Variants in KIAA1217 observed in about 807,000 individuals in gnomAD.
KIAA1217 encodes the protein sickle tail protein homolog.
KIAA1217 carries 88 observed loss-of-function variants against 163.9 expected under a neutral mutation model. The ratio of observed to expected loss-of-function variants is 0.54; its 90% CI spans 0.45 to 0.64. The LOEUF (loss-of-function observed/expected upper bound fraction) is 0.64. Among genes scored for constraint, KIAA1217 ranks in the 30% least tolerant of loss-of-function variants. KIAA1217 has a pLI of 0.00. For synonymous variants in KIAA1217, 903 were observed against 923.1 expected (o/e 0.98, Z 0.39); for missense variants, 2,372 against 2,475.0 (o/e 0.96, Z 0.88).
At chr10:24,530,746 A>C (rs2072993856) in intron 14 of KIAA1217, among the ~76,000 whole-genome samples, 1 of 152,120 alleles carries the variant, frequency 6.6e-6, no homozygotes, top group Non-Finnish European at 1.5e-5. Flanking sequence ...AAAAATTAAA[A>C]AATCCGCTGG....
At chr10:23,699,590 A>G (rs1225412731) in intron 1 of KIAA1217, among the ~76,000 whole-genome samples, 2 of 152,158 alleles carry the variant, frequency 1.3e-5, no homozygotes, top group African/African-American at 4.8e-5. Context: ...AACTATGGGC[A>G]AATTACTGAA....
intron 2 of KIAA1217, among the ~76,000 whole-genome samples, chr10:24,089,888 T>C (rs112409340): frequency 0.12 from 18,576 of 151,696 alleles, 3,062 homozygotes; most frequent in African/African-American, 0.36. Flanking sequence ...TATAGATTCA[T>C]TGCCATCCCT....
intron 1 of KIAA1217, among the ~76,000 whole-genome samples, chr10:23,998,243 T>C (rs1846586672): frequency 6.6e-6 from 1 of 152,148 alleles, no homozygotes; most frequent in Admixed American, 6.5e-5. Flanking sequence ...TTCCTGACTT[T>C]TATGTACTTT....
intron 3 of KIAA1217, among the ~76,000 whole-genome samples, chr10:24,409,526 A>G (rs1201490687): frequency 2.0e-5 from 3 of 152,188 alleles, no homozygotes. Context: ...CATTTTGGTG[A>G]TCGTTTCATA....
chr10:24,355,464 A>G (rs922041639), intron 2 of KIAA1217, among the ~76,000 whole-genome samples: 3 of 152,222 alleles, frequency 2.0e-5, no homozygotes, highest in East Asian at 1.9e-4. Flanking sequence ...GTGTCCTCAT[A>G]TGGCAGAAAG....
intron 2 of KIAA1217, among the ~76,000 whole-genome samples, chr10:24,008,070 T>G (rs1847075305): frequency 6.6e-6 from 1 of 152,152 alleles, no homozygotes; most frequent in African/African-American, 2.4e-5. Context: ...TTTTTCATTT[T>G]CTCCCATTAC....
chr10:24,318,795 C>G (rs2043746793), intron 2 of KIAA1217, among the ~76,000 whole-genome samples: 1 of 152,212 alleles, frequency 6.6e-6, no homozygotes, highest in South Asian at 2.1e-4. Context: ...ATGACATCAA[C>G]AAGAAGAATG....
chr10:24,025,887 C>T (rs1198235014), intron 2 of KIAA1217, among the ~76,000 whole-genome samples: 1 of 151,758 alleles, frequency 6.6e-6, no homozygotes, highest in Middle Eastern at 3.2e-3. Flanking sequence ...TTACTTACTG[C>T]TCCTAGTAGC....
chr10:24,118,158 A>C lies in KIAA1217; in HGVS notation c.-170-101468A>C, dbSNP rs1225853740. ...TGAGCCTCAAATAACGGTTAAAAAA[A>C]AAAAAAAAAAGAAACGAAAGTCATG... On this transcript the variant is annotated intron_variant, in intron 2 of 18. Transcript: ENST00000376462. 2.0e-5 allele frequency among the ~76,000 whole-genome samples: 3 copies of C among 152,156 alleles called. No homozygotes were observed. In the East Asian group the frequency reaches 5.8e-4, roughly 29 times the overall value.
At chr10:23,952,808 T>C (rs985179516) in intron 1 of KIAA1217, among the ~76,000 whole-genome samples, 2 of 152,242 alleles carry the variant, frequency 1.3e-5, no homozygotes, top group African/African-American at 4.8e-5. Context: ...TTACTACCCA[T>C]GGATTGAGAT....
intron 2 of KIAA1217, among the ~76,000 whole-genome samples, chr10:24,157,274 A>G (rs899848037): frequency 2.6e-5 from 4 of 152,126 alleles, no homozygotes; most frequent in Non-Finnish European, 5.9e-5. Context: ...TTTGTGTGCT[A>G]ATTTGCCATC....
chr10:24,465,444 G>A (rs756759100), intron 5 of KIAA1217, among the ~76,000 whole-genome samples: 24 of 152,210 alleles, frequency 1.6e-4, no homozygotes, highest in Non-Finnish European at 3.4e-4. Context: ...CTTTTGGTCA[G>A]CAAGAACAAC....
intron 17 of KIAA1217, 112 bp downstream of exon 17, chr10:24,537,005 C>A: frequency 7.7e-7 from 1 of 1,296,512 alleles, no homozygotes; most frequent in Non-Finnish European, 1.1e-6. Flanking sequence ...TTTTCTCTCT[C>A]TTTTTTTTAA....
Position 24,543,354 on chromosome 10 carries a change from C to G in KIAA1217, c.4084C>G (p.Pro1362Ala), listed in dbSNP as rs16924863. The change falls in exon 19 of 21, where the codon CCT (proline) becomes GCT (alanine). Residue 1362 changes from proline to alanine, a missense_variant. Pro to Ala is a conservative substitution (Grantham distance 27). Coordinates refer to ENST00000376454, the MANE Select transcript of KIAA1217 (RefSeq NM_019590.5). ...PKEARHANVNPNEDGESSSSS... is the reference protein window; with the variant it reads ...PKEARHANVNANEDGESSSSS... ...GGAGGCAAGGCATGCTAACGTGAAC[C>G]CTAATGAGGATGGAGAATCAAGTTC... is the stretch of plus-strand genomic sequence containing the variant. 0.026 allele frequency: 41,172 copies of G among 1,613,962 alleles called. 1,937 individuals carry two copies. The highest frequency in any genetic ancestry group is 0.19 in the African/African-American group (14,525 of 74,918).
chr10:24,298,563 C>T (rs992401083), intron 2 of KIAA1217, among the ~76,000 whole-genome samples: 9 of 152,096 alleles, frequency 5.9e-5, no homozygotes, highest in South Asian at 2.1e-4. Context: ...TTTGGGAGGC[C>T]GAAGTGGGCG....
At chr10:23,892,604 G>A (rs990940662) in intron 1 of KIAA1217, among the ~76,000 whole-genome samples, 6 of 151,916 alleles carry the variant, frequency 3.9e-5, no homozygotes, top group African/African-American at 1.4e-4. Context: ...TTAAGTATCA[G>A]CTGTCATTTC....
intron 5 of KIAA1217, among the ~76,000 whole-genome samples, chr10:24,460,611 A>G (rs1165756808): frequency 6.6e-6 from 1 of 152,174 alleles, no homozygotes; most frequent in Non-Finnish European, 1.5e-5. Context: ...CTGAGGATCA[A>G]AATAATGGCA....
intron 2 of KIAA1217, among the ~76,000 whole-genome samples, chr10:24,306,208 C>T (rs2041990171): frequency 6.6e-6 from 1 of 152,162 alleles, no homozygotes; most frequent in Non-Finnish European, 1.5e-5. Flanking sequence ...AATGTCCTTT[C>T]TACTGTTAAT....
chr10:23,891,250 T>C (rs192416569), intron 1 of KIAA1217, among the ~76,000 whole-genome samples: 1 of 152,134 alleles, frequency 6.6e-6, no homozygotes, highest in African/African-American at 2.4e-5. Flanking sequence ...ATTGATGTTA[T>C]TGTGTTTAAG....
Sources: gnomAD v4.1 joint callset for allele counts (sites outside exome capture counted in the v4.1 genomes callset) on GRCh38, gnomAD v4.1.1 for gene constraint, MANE v1.5 for transcripts, NCBI Gene and HGNC (gene_info 2026-07-23, HGNC 2026-07-21) for gene names.